ABR: variants seen among roughly 807,000 people sequenced by gnomAD.
ABR encodes the protein active breakpoint cluster region-related protein.
A neutral mutation model predicts 107.2 loss-of-function variants in ABR; 35 were observed. The ratio of observed to expected loss-of-function variants is 0.33; its 90% CI spans 0.25 to 0.43. The LOEUF (loss-of-function observed/expected upper bound fraction) is 0.43. Among genes scored for constraint, ABR ranks in the 20% least tolerant of loss-of-function variants. The pLI, the probability that ABR is intolerant of heterozygous loss-of-function variation, is 1.00. For synonymous variants in ABR, 498 were observed against 462.0 expected (o/e 1.08, Z -1.00); for missense variants, 815 against 1,115.2 (o/e 0.73, Z 3.83).
intron 1 of ABR, among the ~76,000 whole-genome samples, chr17:1,166,446 G>A (rs933398990): frequency 3.3e-5 from 5 of 152,176 alleles, no homozygotes; most frequent in African/African-American, 4.8e-5. Context: ...ATGAATGGGC[G>A]AGTGTTGTAT....
chr17:1,198,256 G>A (rs777965297), intron 1 of ABR, among the ~76,000 whole-genome samples: 32 of 151,460 alleles, frequency 2.1e-4, no homozygotes, highest in Non-Finnish European at 3.7e-4. Context: ...AAACAACCTC[G>A]ACTTCCTGCA....
chr17:1,138,090 G>C (rs1403505475), intron 1 of ABR, among the ~76,000 whole-genome samples: 1 of 150,324 alleles, frequency 6.7e-6, no homozygotes. Flanking sequence ...TTTTAGTAGA[G>C]ATGGGGTTTC....
chr17:1,142,073 T>A (rs548311452), intron 1 of ABR, among the ~76,000 whole-genome samples: 51 of 151,894 alleles, frequency 3.4e-4, no homozygotes, highest in African/African-American at 1.2e-3. Flanking sequence ...ATGACTTGAA[T>A]CCTAAGATAA....
At chr17:1,197,895 A>C (rs143220116) in intron 1 of ABR, among the ~76,000 whole-genome samples, 1 of 151,738 alleles carries the variant, frequency 6.6e-6, no homozygotes, top group Non-Finnish European at 1.5e-5. Context: ...TCCTCAGACC[A>C]CTGGCTTTGG....
rs367556057 is a variant in ABR, at chr17:1,012,895, G to C, written c.1852-98C>G. The C allele has an allele frequency of 3.7e-5, 42 of 1,142,620 alleles. No individual in the cohort carries two copies. The African/African-American group carries it at 4.5e-4, about 12-fold the overall frequency. 70.8% of individuals were successfully genotyped at this position (1,142,620 alleles called of 1,614,324 possible). ...GTCCCCTCCCCAAGACTGCAAATGA[G>C]GGCTAGCTCACACCCAGGTCTCCCT... On this transcript the variant is annotated intron_variant, in intron 17 of 22. Transcript: ENST00000302538.
At chr17:1,132,928 C>T (rs2039909827) in intron 1 of ABR, among the ~76,000 whole-genome samples, 1 of 152,126 alleles carries the variant, frequency 6.6e-6, no homozygotes. Context: ...CTCACAGAAA[C>T]TCTTGGAGGC....
intron 1 of ABR, among the ~76,000 whole-genome samples, chr17:1,156,442 G>A (rs565064170): frequency 1.6e-4 from 24 of 152,170 alleles, no homozygotes; most frequent in Non-Finnish European, 2.9e-4. Context: ...CCAGCACTTC[G>A]GGAGGCCGAG....
chr17:1,013,010 G>T, intron 17 of ABR, 95 bp downstream of exon 17: 1 of 1,464,970 alleles, frequency 6.8e-7, no homozygotes, highest in Non-Finnish European at 9.5e-7. Flanking sequence ...CGGCACAGCG[G>T]CCCCAGGAGC....
chr17:1,173,706 T>C (rs2041829539), intron 1 of ABR, among the ~76,000 whole-genome samples: 1 of 152,066 alleles, frequency 6.6e-6, no homozygotes. Context: ...AGTTTTCTTT[T>C]TCCCACCCGT....
At chr17:1,017,452 C>A (rs1041978815) in intron 16 of ABR, among the ~76,000 whole-genome samples, 10 of 145,794 alleles carry the variant, frequency 6.9e-5, no homozygotes, top group Admixed American at 1.4e-4. Context: ...CATTCTGGAG[C>A]GGCCATGCCC....
At chr17:1,195,644 A>G (rs1234343797) in intron 1 of ABR, among the ~76,000 whole-genome samples, 1 of 151,320 alleles carries the variant, frequency 6.6e-6, no homozygotes. Context: ...CTCTACTAAA[A>G]ATACAACAAA....
At chr17:1,191,576 G>A (rs548294212), upstream of ABR, among the ~76,000 whole-genome samples, 3 of 151,824 alleles carry the variant, frequency 2.0e-5, no homozygotes, top group African/African-American at 4.8e-5. Flanking sequence ...GGCTGGTCTC[G>A]AACTCCTGAC....
chr17:1,112,946 A>AG (rs1296939126), intron 2 of ABR, among the ~76,000 whole-genome samples: 1 of 151,532 alleles, frequency 6.6e-6, no homozygotes, highest in African/African-American at 2.4e-5. Context: ...ATCAGCAAGC[A>AG]TTTGTTAACC....
chr17:1,038,016 T>C (rs1223151101), intron 16 of ABR, among the ~76,000 whole-genome samples: 1 of 152,206 alleles, frequency 6.6e-6, no homozygotes, highest in Admixed American at 6.5e-5. Flanking sequence ...TATGCCGACG[T>C]CTCCCTGCCC....
At chr17:1,158,126 G>A (rs1003356439) in intron 1 of ABR, among the ~76,000 whole-genome samples, 7 of 152,110 alleles carry the variant, frequency 4.6e-5, no homozygotes, top group East Asian at 1.9e-4. Flanking sequence ...CAGCTTTGAC[G>A]GTGCACAGTT....
chr17:1,205,439 A>G (rs2042771021), intron 1 of ABR, among the ~76,000 whole-genome samples: 1 of 152,084 alleles, frequency 6.6e-6, no homozygotes, highest in African/African-American at 2.4e-5. Context: ...TGGAGAGAGG[A>G]GTGGGGTCGG....
intron 5 of ABR, 51 bp downstream of exon 5, chr17:1,083,469 A>T (rs1403041611): frequency 7.2e-7 from 1 of 1,386,510 alleles, no homozygotes; most frequent in Non-Finnish European, 1.0e-6. Flanking sequence ...GGCTCTGAGC[A>T]GCCCCCAAAG....
chr17:1,031,516 G>GGC, intron 16 of ABR: 2 of 200,834 alleles, frequency 1.0e-5, no homozygotes, highest in Non-Finnish European at 1.5e-5. Flanking sequence ...GACCCCATCA[G>GGC]CCCCCGCAGC....
chr17:1,050,220 G>A lies in ABR; in HGVS notation c.1660-39C>T, dbSNP rs780969166. On this transcript the variant is annotated intron_variant, in intron 15 of 22. Coordinates refer to ENST00000302538, the MANE Select transcript of ABR (RefSeq NM_021962.5). The surrounding 1 kb of genome is among the most constrained non-coding windows in gnomAD (Gnocchi z 4.6). ...GGACAAAGGGCCCTGAACCTCCGAA[G>A]CTGGGAGGCCTGGCTTTCCGGCAGG... 3 of 1,588,094 alleles carry A rather than the reference G, an allele frequency of 1.9e-6. No individual in the cohort carries two copies. Among genetic ancestry groups the A allele is most frequent in the Non-Finnish European group, 2.6e-6 (3 of 1,170,280 alleles).
Sources: allele counts gnomAD v4.1 joint callset (sites outside exome capture counted in the v4.1 genomes callset), GRCh38; gene constraint gnomAD v4.1.1; non-coding constraint Gnocchi (gnomAD v3.1); transcripts MANE v1.5; gene names NCBI Gene and HGNC (gene_info 2026-07-23, HGNC 2026-07-21).